DFFA: variants seen among roughly 807,000 people sequenced by gnomAD.
DFFA encodes DFF45.
In DFFA, 14 loss-of-function variants were observed where a neutral mutation model predicts 28.0. That is an observed-to-expected ratio of 0.50 (90% CI 0.33 to 0.78). DFFA has a LOEUF of 0.78. Ranked by LOEUF, DFFA falls within the 30% of genes least tolerant of loss-of-function variation. The pLI, the probability that DFFA is intolerant of heterozygous loss-of-function variation, is 0.02. For synonymous variants in DFFA, 158 were observed against 170.3 expected, an observed-to-expected ratio of 0.93 and a Z score of 0.56; for missense variants, 395 against 407.1, an observed-to-expected ratio of 0.97 and a Z score of 0.26.
chr1:10,468,169 T>C (rs1314583869), intron 2 of DFFA, among the ~76,000 whole-genome samples: 1 of 151,824 alleles, frequency 6.6e-6, no homozygotes, highest in African/African-American at 2.4e-5. Context: ...TAATCCCCTC[T>C]CAAGACACTT....
At position 10,472,038 on chromosome 1, in the gene DFFA, C is replaced by T. The variant is rs963498821; in HGVS notation, c.136+285G>A. ...GGAACCCAGTGGGGTCCGTTTGGTC[C>T]AACATCGAAGTGATTTCAGGCAAGA... On this transcript the variant is annotated intron_variant, in intron 1 of 5. Coordinates refer to ENST00000377038, the MANE Select transcript of DFFA (RefSeq NM_004401.3). The surrounding 1 kb of genome is among the most constrained non-coding windows in gnomAD (Gnocchi z 5.0). Among the ~76,000 whole-genome samples the T allele has an allele frequency of 1.3e-5, 2 of 152,136 alleles. No homozygotes were observed. The highest frequency in any genetic ancestry group is 4.8e-5 in the African/African-American group (2 of 41,428).
intron 5 of DFFA, 39 bp from the exon 6 acceptor site, chr1:10,461,741 T>C (rs1383301055): frequency 6.2e-7 from 1 of 1,608,384 alleles, no homozygotes; most frequent in Non-Finnish European, 8.5e-7. Context: ...CTGGGCCTTC[T>C]GTGCGCCTCT....
At chr1:10,461,938 T>C (rs900344597) in intron 5 of DFFA, 27 of 848,462 alleles carry the variant, frequency 3.2e-5, no homozygotes, top group Non-Finnish European at 3.8e-5. Flanking sequence ...CCCTGCAAGC[T>C]CCGCCTCCCG....
At position 10,463,545 on chromosome 1, in the gene DFFA, G is replaced by C. The variant is rs771850413; in HGVS notation, c.517C>G (p.His173Asp). Residue 173 changes from histidine (H) to aspartate (D), a missense_variant, in exon 4 of 6, where the codon CAC (histidine) becomes GAC (aspartate). Physicochemically the swap from His to Asp is moderately conservative, Grantham distance 81. Coordinates refer to ENST00000377038, the MANE Select transcript of DFFA (RefSeq NM_004401.3). ...QSCATVQRLQHTLQQVLDQRE... is the reference protein window; with the variant it reads ...QSCATVQRLQDTLQQVLDQRE... ...TGGTCAAGCACCTGTTGGAGTGTGT[G>C]CTGCAGCCGCTGGACGGTGGCACAA... 1 of 1,614,224 alleles carries C rather than the reference G, an allele frequency of 6.2e-7. No individual in the cohort carries two copies. Among genetic ancestry groups the C allele is most frequent in the South Asian group, 1.1e-5 (1 of 91,086 alleles).
At position 10,463,116 on chromosome 1, in the gene DFFA, A is replaced by G; in HGVS notation, c.725T>C (p.Leu242Pro). The part of the protein sequence containing the change: ...SSDVALASHI[L>P]TALREKQAPE... ...AGCCTGCTTCTCCCTCAGTGCAGTA[A>G]GGATGTGGCTCGCCAGCGCAACGTC... Residue 242 changes from leucine to proline, a missense_variant, in exon 5 of 6, where the codon CTT (leucine) becomes CCT (proline). By Grantham distance (98) the Leu-to-Pro change is moderately conservative. Coordinates refer to ENST00000377038, the MANE Select transcript of DFFA (RefSeq NM_004401.3). The G allele has an allele frequency of 6.2e-7, 1 of 1,614,144 alleles. No individual in the cohort carries two copies. The highest frequency in any genetic ancestry group is 8.5e-7 in the Non-Finnish European group (1 of 1,180,036).
rs1640879833 is a variant in DFFA, at chr1:10,457,790, C to T, written c.*3700G>A. ...CCGGTTTGTCTCACTCCCAAATCCA[C>T]AGGACATTTTCCATTATCCACCCAG... On this transcript the variant is annotated 3_prime_UTR_variant, in exon 6 of 6. Coordinates refer to ENST00000377038, the MANE Select transcript of DFFA (RefSeq NM_004401.3). 2.0e-5 allele frequency: 3 copies of T among 152,248 alleles called. No homozygotes were observed. Among genetic ancestry groups the T allele is most frequent in the Non-Finnish European group, 2.9e-5 (2 of 68,072 alleles). 9.4% of individuals were successfully genotyped at this position (152,248 alleles called of 1,614,324 possible).
At chr1:10,466,098 T>C (rs968012558) in intron 3 of DFFA, among the ~76,000 whole-genome samples, 6 of 152,080 alleles carry the variant, frequency 3.9e-5, no homozygotes, top group Non-Finnish European at 5.9e-5. Flanking sequence ...CAGTGAGCTA[T>C]GATCATGCCA....
Position 10,462,154 on chromosome 1 carries a change from A to G in DFFA, c.784-452T>C, listed in dbSNP as rs370207143. Among the ~76,000 whole-genome samples, 172 of 151,166 alleles carry G rather than the reference A, an allele frequency of 1.1e-3. 3 individuals are homozygous for G. The highest frequency in any genetic ancestry group is 0.011 in the South Asian group (53 of 4,796). The stretch of plus-strand genomic sequence containing the variant: ...ATTACAGGCGTGAGCCACCGCGCCC[A>G]GCCTGCCATGGGCTTTTTTAAGACG... On this transcript the variant is annotated intron_variant, in intron 5 of 5. Coordinates refer to ENST00000377038, the MANE Select transcript of DFFA (RefSeq NM_004401.3).
intron 2 of DFFA, 39 bp from the exon 3 acceptor site, chr1:10,467,371 G>C (rs763523699): frequency 2.5e-6 from 4 of 1,613,202 alleles, no homozygotes; most frequent in South Asian, 2.2e-5. Flanking sequence ...AGAACAACCT[G>C]AAGTGCTGTT....
chr1:10,467,344 G>A lies in DFFA; in HGVS notation c.299-12C>T. The A allele has an allele frequency of 1.2e-6, 2 of 1,614,072 alleles. No individual in the cohort carries two copies. The highest frequency in any genetic ancestry group is 1.7e-6 in the Non-Finnish European group (2 of 1,180,012). On this transcript the variant is annotated splice_polypyrimidine_tract_variant and intron_variant, in intron 2 of 5. Transcript: ENST00000377038. The stretch of plus-strand genomic sequence containing the variant: ...AGCTGTACCTCCATCTGACACATGG[G>A]AGAAAATGCCAGTCACAGAACAACC...
chr1:10,465,371 T>C (rs1641006576), intron 3 of DFFA, among the ~76,000 whole-genome samples: 1 of 152,132 alleles, frequency 6.6e-6, no homozygotes, highest in Non-Finnish European at 1.5e-5. Flanking sequence ...GGTCAAGTGA[T>C]TCTCCTGCCT....
In DFFA at chr1:10,468,567, C is replaced by T. The variant is rs572246646; in HGVS notation, c.298+610G>A. Among the ~76,000 whole-genome samples the T allele has an allele frequency of 6.6e-5, 10 of 152,014 alleles. 1 individual carries two copies. The South Asian group carries it at 2.1e-3, about 32-fold the overall frequency. On this transcript the variant is annotated intron_variant, in intron 2 of 5. Coordinates refer to ENST00000377038, the MANE Select transcript of DFFA (RefSeq NM_004401.3). ...TTCTATAATTATTATGTCAACAAGG[C>T]ACTGAGAAGTTATGTAATTTGCACA...
chr1:10,462,724 G>A (rs1432564320), intron 5 of DFFA: 22 of 1,126,490 alleles, frequency 2.0e-5, no homozygotes, highest in Non-Finnish European at 2.4e-5. Flanking sequence ...ACCTCAGGAC[G>A]GACTATAGAT....
chr1:10,472,445 C>G lies in DFFA; in HGVS notation c.14G>C (p.Gly5Ala), dbSNP rs1232146538. MEVT[G>A]DAGVPESGEI... The stretch of plus-strand genomic sequence containing the variant: ...GCCAGATTCTGGTACCCCGGCGTCC[C>G]CGGTCACCTCCATCCTCCACAAGGT... The change falls in exon 1 of 6, where the codon GGG becomes GCG. Residue 5 changes from glycine (G) to alanine (A), a missense_variant. Physicochemically the swap from Gly to Ala is moderately conservative, Grantham distance 60. Transcript: ENST00000377038. This position sits in a 1 kb window ranked among gnomAD's most constrained non-coding sequence, Gnocchi z 5.0. 1.9e-6 allele frequency: 3 copies of G among 1,611,184 alleles called. No individual in the cohort carries two copies. In the East Asian group the frequency reaches 6.7e-5, roughly 36 times the overall value.
At chr1:10,467,061 T>C (rs1641033198) in intron 3 of DFFA, 129 bp downstream of exon 3, 2 of 1,137,704 alleles carry the variant, frequency 1.8e-6, no homozygotes, top group South Asian at 3.7e-5. Context: ...TTAGTTGTAA[T>C]TTAAGAATTA....
At chr1:10,466,087 G>A (rs672606) in intron 3 of DFFA, among the ~76,000 whole-genome samples, 62,350 of 151,926 alleles carry the variant, frequency 0.41, 14,379 homozygotes, top group Non-Finnish European at 0.52. Flanking sequence ...AGTCGAGGAT[G>A]CAGTGAGCTA....
At position 10,467,171 on chromosome 1, in the gene DFFA, G is replaced by A. The variant is rs1240067398; in HGVS notation, c.441+19C>T. ...AGAGGCTGGATGAACATTGTTGCAG[G>A]TTGTGGAGGAGGCTTTACCTGGAGG... On this transcript the variant is annotated intron_variant, in intron 3 of 5. Coordinates refer to ENST00000377038, the MANE Select transcript of DFFA (RefSeq NM_004401.3). The A allele has an allele frequency of 8.1e-6, 13 of 1,613,812 alleles. No individual in the cohort carries two copies. In the Admixed American group the frequency reaches 2.2e-4, roughly 27 times the overall value.
intron 3 of DFFA, among the ~76,000 whole-genome samples, chr1:10,465,163 C>T (rs933395521): frequency 6.6e-6 from 1 of 152,166 alleles, no homozygotes; most frequent in Non-Finnish European, 1.5e-5. Flanking sequence ...GACGTGATCT[C>T]GGCTCACCGC....
chr1:10,470,417 TTCC>T (rs1641079403), intron 1 of DFFA, among the ~76,000 whole-genome samples: 1 of 145,322 alleles, frequency 6.9e-6, no homozygotes, highest in Non-Finnish European at 1.5e-5. Context: ...TTATTCAGTT[TTCC>T]TCTTTTTTTT....
Sources: allele counts gnomAD v4.1 joint callset (sites outside exome capture counted in the v4.1 genomes callset), GRCh38; gene constraint gnomAD v4.1.1; non-coding constraint Gnocchi (gnomAD v3.1); transcripts MANE v1.5; gene names NCBI Gene and HGNC (gene_info 2026-07-23, HGNC 2026-07-21).